PTPRD: variants seen among roughly 807,000 people sequenced by gnomAD.
PTPRD encodes receptor-type tyrosine-protein phosphatase delta.
A neutral mutation model predicts 214.5 loss-of-function variants in PTPRD; 34 were observed. That is an observed-to-expected ratio of 0.16 (90% confidence interval 0.12 to 0.21). PTPRD has a LOEUF of 0.21. PTPRD is among the 10% of genes least tolerant of loss of function. The probability of loss-of-function intolerance (pLI) is 1.00; values close to 1 mark genes in which losing one functional copy is unlikely to be tolerated. For missense variants in PTPRD, 2,545 were observed against 2,398.7 expected (o/e 1.06, Z -1.27); for synonymous variants, 1,128 against 845.7 (o/e 1.33, Z -5.79).
intron 3 of PTPRD, among the ~76,000 whole-genome samples, chr9:10,188,135 T>C (rs2099346391): frequency 1.3e-5 from 2 of 152,206 alleles, no homozygotes; most frequent in Non-Finnish European, 2.9e-5. Flanking sequence ...TCATTTCATT[T>C]ATGCGGTTTG....
chr9:8,705,312 T>C (rs1306964260), intron 12 of PTPRD, among the ~76,000 whole-genome samples: 1 of 152,132 alleles, frequency 6.6e-6, no homozygotes, highest in Non-Finnish European at 1.5e-5. Context: ...CCTCCGCCTC[T>C]GGGATTCTGT....
intron 11 of PTPRD, among the ~76,000 whole-genome samples, chr9:8,802,219 C>T (rs1013278017): frequency 2.0e-4 from 31 of 152,142 alleles, no homozygotes; most frequent in Non-Finnish European, 1.3e-4. Context: ...AATGTTCCCC[C>T]ACACCCTGTT....
chr9:8,556,864 T>C (rs1189544316), intron 14 of PTPRD, among the ~76,000 whole-genome samples: 2 of 152,240 alleles, frequency 1.3e-5, no homozygotes, highest in Middle Eastern at 3.4e-3. Flanking sequence ...TCATTGATGG[T>C]ACAAGGTGAG....
chr9:8,773,982 C>G (rs1164062649), intron 11 of PTPRD, among the ~76,000 whole-genome samples: 2 of 152,120 alleles, frequency 1.3e-5, no homozygotes, highest in Non-Finnish European at 2.9e-5. Flanking sequence ...ACTCCAACCC[C>G]AAGAAGAGTT....
chr9:9,911,170 C>T (rs1566224653), intron 5 of PTPRD, among the ~76,000 whole-genome samples: 1 of 151,920 alleles, frequency 6.6e-6, no homozygotes, highest in Admixed American at 6.6e-5. Context: ...ACATTTCTAG[C>T]TTTAGTTTGT....
At chr9:9,079,877 T>G (rs1182921105) in intron 10 of PTPRD, among the ~76,000 whole-genome samples, 1 of 152,076 alleles carries the variant, frequency 6.6e-6, no homozygotes, top group Non-Finnish European at 1.5e-5. Context: ...TTTACCAGAT[T>G]AATACATTGG....
In PTPRD at chr9:9,487,901, C is replaced by T. The variant is rs141670529; in HGVS notation, c.-237+86831G>A. ...TCTGACAGAAGTGATGTGGAAAATGCACATGTACTTCATGAATTGAAAGAT... is the reference window on the plus strand; with the variant it reads ...TCTGACAGAAGTGATGTGGAAAATGTACATGTACTTCATGAATTGAAAGAT... On this transcript the variant is annotated intron_variant, in intron 8 of 45. Coordinates refer to ENST00000381196, the MANE Select transcript of PTPRD (RefSeq NM_002839.4). Among the ~76,000 whole-genome samples, 48 of 152,208 alleles carry T rather than the reference C, an allele frequency of 3.2e-4. No individual in the cohort carries two copies. In the East Asian group the frequency reaches 8.3e-3, roughly 26 times the overall value.
chr9:10,332,022 C>G (rs956272729), intron 3 of PTPRD, among the ~76,000 whole-genome samples: 8 of 151,800 alleles, frequency 5.3e-5, no homozygotes, highest in Non-Finnish European at 1.0e-4. Flanking sequence ...ATAAGACATG[C>G]AAACAGAAAC....
intron 10 of PTPRD, among the ~76,000 whole-genome samples, chr9:9,039,801 T>C (rs1372333619): frequency 6.6e-6 from 1 of 152,186 alleles, no homozygotes; most frequent in East Asian, 1.9e-4. Flanking sequence ...AGCCAATATA[T>C]TGAAAGTTGT....
At chr9:10,239,180 G>A (rs148249009) in intron 3 of PTPRD, among the ~76,000 whole-genome samples, 1 of 151,848 alleles carries the variant, frequency 6.6e-6, no homozygotes, top group African/African-American at 2.4e-5. Context: ...ATCTTAGAGA[G>A]ACTTTCCTTT....
intron 9 of PTPRD, among the ~76,000 whole-genome samples, chr9:9,298,676 G>A (rs1180545379): frequency 6.6e-6 from 1 of 151,646 alleles, no homozygotes; most frequent in African/African-American, 2.4e-5. Flanking sequence ...ATTATTGAAG[G>A]GAAGACAAGA....
rs1391719878 is a variant in PTPRD, at chr9:8,525,014, C to T, written c.590G>A (p.Ser197Asn). ...ATATTTTCCTTGGTCAGACTCTTCACTCTGCTCAATCTGAAGGGCTCCTGT... is the reference window on the plus strand; with the variant it reads ...ATATTTTCCTTGGTCAGACTCTTCATTCTGCTCAATCTGAAGGGCTCCTGT... ...PIRGALQIEQ[S>N]EESDQGKYEC... The change falls in exon 18 of 46, where the codon AGT becomes AAT. Residue 197 changes from serine (S) to asparagine (N), a missense_variant. Ser to Asn is a conservative substitution (Grantham distance 46). Coordinates refer to ENST00000381196, the MANE Select transcript of PTPRD (RefSeq NM_002839.4). 6.2e-7 allele frequency: 1 copy of T among 1,613,590 alleles called. No homozygotes were observed. The highest frequency in any genetic ancestry group is 8.5e-7 in the Non-Finnish European group (1 of 1,179,630).
In PTPRD at chr9:8,579,130, G is replaced by C. The variant is rs146403030; in HGVS notation, c.353-50351C>G. ...AAGAAACAGGGAGAATAAGGATATT[G>C]CTATAGCATGGTATCATCTAAAATC... On this transcript the variant is annotated intron_variant, in intron 14 of 45. Transcript: ENST00000381196. 7.2e-5 allele frequency among the ~76,000 whole-genome samples: 11 copies of C among 152,270 alleles called. No homozygotes were observed. The East Asian group carries it at 2.1e-3, about 29-fold the overall frequency.
At chr9:10,495,221 G>A (rs1259853470) in intron 2 of PTPRD, among the ~76,000 whole-genome samples, 1 of 151,780 alleles carries the variant, frequency 6.6e-6, no homozygotes, top group Non-Finnish European at 1.5e-5. Flanking sequence ...AAATCAGTAA[G>A]AGTGTGTTAG....
chr9:9,133,511 T>G (rs1405765989), intron 10 of PTPRD, among the ~76,000 whole-genome samples: 1 of 152,206 alleles, frequency 6.6e-6, no homozygotes, highest in African/African-American at 2.4e-5. Flanking sequence ...AGGGAATTTC[T>G]AGAAATATTT....
intron 11 of PTPRD, among the ~76,000 whole-genome samples, chr9:8,898,396 A>G (rs917476053): frequency 2.0e-5 from 3 of 152,034 alleles, no homozygotes; most frequent in African/African-American, 7.2e-5. Context: ...CTAAGTACAA[A>G]CTGACCCCAT....
intron 37 of PTPRD, among the ~76,000 whole-genome samples, chr9:8,385,572 G>T (rs975303281): frequency 6.6e-6 from 1 of 152,130 alleles, no homozygotes; most frequent in African/African-American, 2.4e-5. Context: ...CTTGAAAAGA[G>T]AGATGGGCTC....
At chr9:8,884,094 T>C (rs2098467248) in intron 11 of PTPRD, among the ~76,000 whole-genome samples, 1 of 152,210 alleles carries the variant, frequency 6.6e-6, no homozygotes, top group Non-Finnish European at 1.5e-5. Context: ...AAGGAGTAAT[T>C]GAGGTTCGGG....
Position 10,014,499 on chromosome 9 carries a change from G to C in PTPRD, c.-472+19219C>G, listed in dbSNP as rs183465309. Among the ~76,000 whole-genome samples, 861 of 152,018 alleles carry C rather than the reference G, an allele frequency of 5.7e-3. 4 individuals carry two copies. The highest frequency in any genetic ancestry group is 9.0e-3 in the Non-Finnish European group (610 of 67,880). ...CAAATGGTTGTTTTCTAATGACTTGGTAACATGAAAGACAATTGTATTCAC... is the reference window on the plus strand; with the variant it reads ...CAAATGGTTGTTTTCTAATGACTTGCTAACATGAAAGACAATTGTATTCAC... On this transcript the variant is annotated intron_variant, in intron 4 of 45. Coordinates refer to ENST00000381196, the MANE Select transcript of PTPRD (RefSeq NM_002839.4).
Sources: gnomAD v4.1 joint callset for allele counts (sites outside exome capture counted in the v4.1 genomes callset) on GRCh38, gnomAD v4.1.1 for gene constraint, MANE v1.5 for transcripts, NCBI Gene and HGNC (gene_info 2026-07-23, HGNC 2026-07-21) for gene names.